MANEAL: variants seen among roughly 807,000 people sequenced by gnomAD.
MANEAL encodes mannosidase endo-alpha like, also known as glycoprotein endo-alpha-1,2-mannosidase-like protein.
A neutral mutation model predicts 35.9 loss-of-function variants in MANEAL; 28 were observed. The ratio of observed to expected loss-of-function variants is 0.78; its 90% CI spans 0.58 to 1.07. MANEAL has a LOEUF of 1.07. Among genes scored for constraint, MANEAL ranks in the 50% least tolerant of loss-of-function variants. The pLI is 0.00. For missense variants in MANEAL, 576 were observed against 629.6 expected (o/e 0.91, Z 0.91); for synonymous variants, 286 against 272.2 (o/e 1.05, Z -0.50).
rs1283784099 is a variant in MANEAL, at chr1:37,794,757, C to T, written c.550+25C>T. On this transcript the variant is annotated intron_variant, in intron 1 of 3. Coordinates refer to ENST00000373045, the MANE Select transcript of MANEAL (RefSeq NM_001113482.2). This position sits in a 1 kb window ranked among gnomAD's most constrained non-coding sequence, Gnocchi z 5.7. ...GGTGAGCGCCCCCCACCCCGGGCGG[C>T]CCTGCCCCCCAGCCTCACCCTTCCT... 2 of 1,477,544 alleles carry T rather than the reference C, an allele frequency of 1.4e-6. No homozygotes were observed. The highest frequency in any genetic ancestry group is 1.8e-6 in the Non-Finnish European group (2 of 1,092,614). The allele number at this position is 1,477,544 out of a possible 1,614,324, so 91.5% of individuals were successfully genotyped here. A position where few individuals can be genotyped will look rare whatever the true frequency, so the allele number is the denominator to read the frequency against.
At chr1:37,798,971 T>C (rs772230516) in intron 3 of MANEAL, among the ~76,000 whole-genome samples, 2 of 151,358 alleles carry the variant, frequency 1.3e-5, no homozygotes, top group South Asian at 2.1e-4. Context: ...CCCCAGGAGG[T>C]AGAGGTTGCA....
At chr1:37,797,464 C>CT (rs79029579) in intron 3 of MANEAL, among the ~76,000 whole-genome samples, 24 of 116,990 alleles carry the variant, frequency 2.1e-4, no homozygotes, top group African/African-American at 3.8e-4. Context: ...AATGCCAGTG[C>CT]TTTTTTTTTT....
chr1:37,796,884 T>A, intron 3 of MANEAL, 64 bp downstream of exon 3: 1 of 1,474,708 alleles, frequency 6.8e-7, no homozygotes, highest in South Asian at 1.2e-5. Context: ...ATAGAAGGTT[T>A]GGAGGGGCAG....
At chr1:37,797,262 G>T (rs905401218) in intron 3 of MANEAL, among the ~76,000 whole-genome samples, 1 of 151,784 alleles carries the variant, frequency 6.6e-6, no homozygotes, top group African/African-American at 2.4e-5. Context: ...TTAGCCAGGC[G>T]TGGTGGCGCA....
chr1:37,799,873 T>C lies in MANEAL; in HGVS notation c.1044T>C (p.Asp348=). Residue 348 remains aspartate (D), a synonymous_variant, in exon 4 of 4, where the codon GAT becomes GAC. Coordinates refer to ENST00000373045, the MANE Select transcript of MANEAL (RefSeq NM_001113482.2). This position sits in a 1 kb window ranked among gnomAD's most constrained non-coding sequence, Gnocchi z 4.1. Reference sequence around the variant, plus strand: ...GGAAAGCTGTGAAGAACTTTTGTGATGCCAACAACCTCATGTTCATCCCCA... The same window carrying C: ...GGAAAGCTGTGAAGAACTTTTGTGACGCCAACAACCTCATGTTCATCCCCA... ...QNWKAVKNFC[D]ANNLMFIPSV... is the part of the protein sequence containing the mutation. The C allele has an allele frequency of 6.2e-7, 1 of 1,614,256 alleles. No individual in the cohort carries two copies. Among genetic ancestry groups the C allele is most frequent in the African/African-American group, 1.3e-5 (1 of 75,070 alleles).
rs577286116 is a variant in MANEAL at position 37,795,680 on chromosome 1, A to C, written c.551-57A>C. Reference sequence around the variant, plus strand: ...ATTGGAGATGTTTGTGAGGAAAAAAATCTCTGTTGAGGGGGGTACTGTGTG... The same window carrying C: ...ATTGGAGATGTTTGTGAGGAAAAAACTCTCTGTTGAGGGGGGTACTGTGTG... On this transcript the variant is annotated intron_variant, in intron 1 of 3. Transcript: ENST00000373045. The C allele has an allele frequency of 7.5e-5, 120 of 1,598,516 alleles. 3 individuals carry two copies. The South Asian group carries it at 9.9e-4, about 13-fold the overall frequency.
In MANEAL at chr1:37,794,924, C is replaced by A. The variant is rs1261524789; in HGVS notation, c.550+192C>A. On this transcript the variant is annotated intron_variant, in intron 1 of 3. Coordinates refer to ENST00000373045, the MANE Select transcript of MANEAL (RefSeq NM_001113482.2). The surrounding 1 kb of genome is among the most constrained non-coding windows in gnomAD (Gnocchi z 5.7). ...CCGCCCCTCCGTCTAGTATTCAGAC[C>A]CCCCAGCTGGGCCCTTCCATCCCTA... Among the ~76,000 whole-genome samples the A allele has an allele frequency of 6.6e-6, 1 of 152,186 alleles. No individual in the cohort carries two copies. The highest frequency in any genetic ancestry group is 6.5e-5 in the Admixed American group (1 of 15,284).
Position 37,794,239 on chromosome 1 carries a change from CT to C in MANEAL, c.59del (p.Phe20SerfsTer156), listed in dbSNP as rs1173126426. ...CTCTGTTCCTGGTGCTGCTCTTCGC[CT>C]TCGGCACCCTCATGGGTCTGCGCAC... ...IALFLVLLFA[F>X]GTLMGLRTLK... is the part of the protein sequence containing the mutation. On this transcript the variant is annotated frameshift_variant, in exon 1 of 4. Transcript: ENST00000373045. LOFTEE classifies it high-confidence loss of function. The surrounding 1 kb of genome is among the most constrained non-coding windows in gnomAD (Gnocchi z 5.7). 6.7e-6 allele frequency: 9 copies of C among 1,333,624 alleles called. No individual in the cohort carries two copies. Among genetic ancestry groups the C allele is most frequent in the East Asian group, 3.9e-5 (1 of 25,700 alleles). The allele number at this position is 1,333,624 out of a possible 1,614,324, so 82.6% of individuals were successfully genotyped here. A position where few individuals can be genotyped will look rare whatever the true frequency, so the allele number is the denominator to read the frequency against.
intron 3 of MANEAL, among the ~76,000 whole-genome samples, chr1:37,798,122 G>A (rs1363322778): frequency 6.6e-6 from 1 of 151,598 alleles, no homozygotes; most frequent in African/African-American, 2.4e-5. Context: ...CTGCATTCCA[G>A]CTGAGAACAG....
intron 2 of MANEAL, 131 bp downstream of exon 2, chr1:37,795,977 G>T: frequency 1.4e-6 from 1 of 726,334 alleles, no homozygotes; most frequent in Non-Finnish European, 2.3e-6. Context: ...TGTGGCAAGT[G>T]TGGTTTTGGG....
At position 37,794,898 on chromosome 1, in the gene MANEAL, A is replaced by ACCGCC. The variant is rs1477836582; in HGVS notation, c.550+169_550+173dup. On this transcript the variant is annotated intron_variant, in intron 1 of 3. Coordinates refer to ENST00000373045, the MANE Select transcript of MANEAL (RefSeq NM_001113482.2). This position sits in a 1 kb window ranked among gnomAD's most constrained non-coding sequence, Gnocchi z 5.7. ...TCTCATCCTGGGCCCACCATGCGAC[A>ACCGCC]CCGCCCCTCCGTCTAGTATTCAGAC... is the stretch of plus-strand genomic sequence containing the variant. Among the ~76,000 whole-genome samples the ACCGCC allele has an allele frequency of 6.6e-6, 1 of 151,798 alleles. No individual in the cohort carries two copies. Among genetic ancestry groups the ACCGCC allele is most frequent in the African/African-American group, 2.4e-5 (1 of 41,310 alleles).
At position 37,799,511 on chromosome 1, in the gene MANEAL, C is replaced by T. The variant is rs1302048785; in HGVS notation, c.738-56C>T. The T allele has an allele frequency of 1.5e-5, 23 of 1,559,140 alleles. No homozygotes were observed. The highest frequency in any genetic ancestry group is 1.7e-4 in the Middle Eastern group (1 of 5,746). ...CATCCGTATCTCATCCACGGGAGGT[C>T]CTACAGCTGTGCTGGTCTCTCCCAT... On this transcript the variant is annotated intron_variant, in intron 3 of 3. Coordinates refer to ENST00000373045, the MANE Select transcript of MANEAL (RefSeq NM_001113482.2). This position sits in a 1 kb window ranked among gnomAD's most constrained non-coding sequence, Gnocchi z 4.1.
In MANEAL at chr1:37,799,594, C is replaced by T; in HGVS notation, c.765C>T (p.Arg255=). The change falls in exon 4 of 4, where the codon CGC becomes CGT. Residue 255 remains arginine, a synonymous_variant. Coordinates refer to ENST00000373045, the MANE Select transcript of MANEAL (RefSeq NM_001113482.2). The surrounding 1 kb of genome is among the most constrained non-coding windows in gnomAD (Gnocchi z 4.1). ...DTYGSHGAFY[R]YKNSMGKSLP... is the part of the protein sequence containing the mutation. ...ATGGCTCCCATGGTGCATTTTACCGCTATAAGAACAGCATGGGCAAGAGCC... is the reference window on the plus strand; with the variant it reads ...ATGGCTCCCATGGTGCATTTTACCGTTATAAGAACAGCATGGGCAAGAGCC... The T allele has an allele frequency of 6.2e-7, 1 of 1,614,096 alleles. No individual in the cohort carries two copies. Among genetic ancestry groups the T allele is most frequent in the South Asian group, 1.1e-5 (1 of 91,080 alleles).
chr1:37,799,624 A>G lies in MANEAL; in HGVS notation c.795A>G (p.Pro265=). Residue 265 remains proline (P), a synonymous_variant, in exon 4 of 4, where the codon CCA becomes CCG. Transcript: ENST00000373045. The surrounding 1 kb of genome is among the most constrained non-coding windows in gnomAD (Gnocchi z 4.1). ...AGAACAGCATGGGCAAGAGCCTCCC[A>G]CTCTTTTATATCTACGACTCATACC... ...RYKNSMGKSL[P]LFYIYDSYLT... 1 of 1,613,872 alleles carries G rather than the reference A, an allele frequency of 6.2e-7. No individual in the cohort carries two copies. Among genetic ancestry groups the G allele is most frequent in the Non-Finnish European group, 8.5e-7 (1 of 1,180,002 alleles).
intron 1 of MANEAL, 42 bp from the exon 2 acceptor site, chr1:37,795,695 G>A (rs1360853845): frequency 1.2e-6 from 2 of 1,612,936 alleles, no homozygotes; most frequent in African/African-American, 1.3e-5. Flanking sequence ...TGTTGAGGGG[G>A]GTACTGTGTG....
At position 37,794,377 on chromosome 1, in the gene MANEAL, T is replaced by C; in HGVS notation, c.195T>C (p.Pro65=). Residue 65 remains proline, a synonymous_variant, in exon 1 of 4, where the codon CCT becomes CCC. Transcript: ENST00000373045. This position sits in a 1 kb window ranked among gnomAD's most constrained non-coding sequence, Gnocchi z 5.7. The part of the protein sequence containing the change: ...PAPAARAPAA[P]AAPPPPPPPP... Reference sequence around the variant, plus strand: ...CCGCTGCCAGGGCCCCGGCAGCCCCTGCCGCGCCGCCCCCGCCGCCGCCGC... The same window carrying C: ...CCGCTGCCAGGGCCCCGGCAGCCCCCGCCGCGCCGCCCCCGCCGCCGCCGC... The C allele has an allele frequency of 9.3e-7, 1 of 1,070,710 alleles. No individual in the cohort carries two copies. Among genetic ancestry groups the C allele is most frequent in the Non-Finnish European group, 1.1e-6 (1 of 886,660 alleles). 66.3% of individuals were successfully genotyped at this position (1,070,710 alleles called of 1,614,324 possible). A position where few individuals can be genotyped will look rare whatever the true frequency, so the allele number is the denominator to read the frequency against.
intron 3 of MANEAL, among the ~76,000 whole-genome samples, chr1:37,797,583 G>C (rs975737421): frequency 6.7e-6 from 1 of 149,152 alleles, no homozygotes; most frequent in Non-Finnish European, 1.5e-5. Context: ...CGATTCTCCT[G>C]CCTCAGCCTC....
chr1:37,794,565 T>G lies in MANEAL; in HGVS notation c.383T>G (p.Val128Gly). Residue 128 changes from valine (V) to glycine (G), a missense_variant, in exon 1 of 4, where the codon GTC becomes GGC. This residue lies in a region of MANEAL where 449 missense variants were observed against 516.1 expected (regional missense o/e 0.87). Transcript: ENST00000373045. This position sits in a 1 kb window ranked among gnomAD's most constrained non-coding sequence, Gnocchi z 5.7. Reference protein sequence around the residue: ...REGHYIHWDHVMVPHWDPKIS... With the variant: ...REGHYIHWDHGMVPHWDPKIS... ...GGCCACTACATTCACTGGGACCACG[T>G]CATGGTGCCGCACTGGGACCCCAAG... 2 of 1,611,828 alleles carry G rather than the reference T, an allele frequency of 1.2e-6. No individual in the cohort carries two copies. The highest frequency in any genetic ancestry group is 1.7e-6 in the Non-Finnish European group (2 of 1,179,606).
At chr1:37,795,441 G>A (rs1437632882) in intron 1 of MANEAL, 1 of 1,184,388 alleles carries the variant, frequency 8.4e-7, no homozygotes, top group African/African-American at 1.6e-5. Flanking sequence ...TTCCAGGTGG[G>A]TGTGGCACTG....
Sources: gnomAD v4.1 joint callset for allele counts (sites outside exome capture counted in the v4.1 genomes callset) on GRCh38, gnomAD v4.1.1 for gene constraint, gnomAD v4.1.1 regional missense constraint, Gnocchi (gnomAD v3.1) non-coding constraint, MANE v1.5 for transcripts, NCBI Gene and HGNC (gene_info 2026-07-23, HGNC 2026-07-21) for gene names.